The following TRIP12 variants were observed in gnomAD, a reference collection of about 807,000 sequenced individuals.
The protein encoded by TRIP12 is thyroid hormone receptor interactor 12.
A neutral mutation model predicts 244.2 loss-of-function variants in TRIP12; 25 were observed. The ratio of observed to expected loss-of-function variants is 0.10; its 90% CI spans 0.07 to 0.14. The LOEUF (loss-of-function observed/expected upper bound fraction) is 0.14. Among genes scored for constraint, TRIP12 ranks in the 10% least tolerant of loss-of-function variants. TRIP12 has a pLI of 1.00. For missense variants in TRIP12, 1,677 were observed against 2,486.4 expected (o/e 0.67, Z 6.92); for synonymous variants, 905 against 873.1 (o/e 1.04, Z -0.64).
At chr2:229,797,652 G>C in intron 24 of TRIP12, 38 bp downstream of exon 24, 1 of 1,604,612 alleles carries the variant, frequency 6.2e-7, no homozygotes, top group South Asian at 1.1e-5. Flanking sequence ...GCTGGGAAGA[G>C]ACTGAAAAAG....
chr2:229,871,397 T>G (rs147033112), intron 2 of TRIP12, among the ~76,000 whole-genome samples: 5 of 152,302 alleles, frequency 3.3e-5, no homozygotes, highest in African/African-American at 7.2e-5. Context: ...TGGGAGGTGT[T>G]TGAATCACTG....
intron 5 of TRIP12, among the ~76,000 whole-genome samples, chr2:229,837,782 A>G (rs2055225758): frequency 6.6e-6 from 1 of 152,230 alleles, no homozygotes; most frequent in East Asian, 1.9e-4. Context: ...TAAATTATGG[A>G]TTTAATATTA....
chr2:229,899,389 A>G (rs886877215), intron 1 of TRIP12, among the ~76,000 whole-genome samples: 2 of 152,258 alleles, frequency 1.3e-5, no homozygotes, highest in Non-Finnish European at 2.9e-5. Context: ...CAGGAAAACC[A>G]GCAAGAATGA....
At chr2:229,890,384 G>A (rs959870795) in intron 1 of TRIP12, among the ~76,000 whole-genome samples, 4 of 152,046 alleles carry the variant, frequency 2.6e-5, no homozygotes, top group Non-Finnish European at 5.9e-5. Context: ...ACAGGTGTGA[G>A]CCACCACACC....
intron 1 of TRIP12, among the ~76,000 whole-genome samples, chr2:229,896,367 G>A (rs1326794410): frequency 6.6e-6 from 1 of 152,156 alleles, no homozygotes; most frequent in Non-Finnish European, 1.5e-5. Context: ...GCCAGGCGTG[G>A]TGGCTCACAC....
intron 9 of TRIP12, among the ~76,000 whole-genome samples, chr2:229,815,614 A>G (rs1251052661): frequency 6.6e-6 from 1 of 152,010 alleles, no homozygotes; most frequent in Non-Finnish European, 1.5e-5. Flanking sequence ...AACCCCTTTC[A>G]GAAGCCTATT....
chr2:229,859,285 T>C lies in TRIP12; in HGVS notation c.514A>G (p.Thr172Ala), dbSNP rs1382430117. The C allele has an allele frequency of 6.2e-7, 1 of 1,614,226 alleles. No homozygotes were observed. Among genetic ancestry groups the C allele is most frequent in the Admixed American group, 1.7e-5 (1 of 60,022 alleles). ...QQLKSAQSPS[T>A]SKAHTRKSGA... Reference sequence around the variant, plus strand: ...CTCTTCCTGGTATGAGCCTTGCTTGTTGATGGTGATTGTGCAGATTTCAGT... The same window carrying C: ...CTCTTCCTGGTATGAGCCTTGCTTGCTGATGGTGATTGTGCAGATTTCAGT... Residue 172 changes from threonine (T) to alanine (A), a missense_variant, in exon 4 of 42, where the codon ACA (threonine) becomes GCA (alanine). Thr to Ala is a moderately conservative substitution (Grantham distance 58). Around this residue, in one of 11 missense-constraint regions of TRIP12, gnomAD observed 387 missense variants for 392.6 expected, o/e 0.99. Coordinates refer to ENST00000675903, the MANE Select transcript of TRIP12 (RefSeq NM_001348323.3).
At chr2:229,810,159 A>AG (rs1319673775) in intron 15 of TRIP12, among the ~76,000 whole-genome samples, 2 of 152,252 alleles carry the variant, frequency 1.3e-5, no homozygotes, top group East Asian at 3.8e-4. Context: ...CAGGACTTCA[A>AG]GAACAGCCTA....
Position 229,785,864 on chromosome 2 carries a change from A to T in TRIP12, c.4996-9T>A, listed in dbSNP as rs1363030325. On this transcript the variant is annotated splice_polypyrimidine_tract_variant and intron_variant, in intron 33 of 41. Coordinates refer to ENST00000675903, the MANE Select transcript of TRIP12 (RefSeq NM_001348323.3). ...TCTCGGTTCACAGTACGCTACAAAG[A>T]AAGTACAACTGTCAGGAAACTATGC... The T allele has an allele frequency of 1.9e-6, 3 of 1,607,500 alleles. No homozygotes were observed. The highest frequency in any genetic ancestry group is 2.5e-6 in the Non-Finnish European group (3 of 1,177,290).
chr2:229,790,990 CTGTT>C lies in TRIP12; in HGVS notation c.4543+130_4543+133del, dbSNP rs1251628834. The C allele has an allele frequency of 3.8e-5, 43 of 1,127,830 alleles. No homozygotes were observed. In the African/African-American group the frequency reaches 5.9e-4, roughly 16 times the overall value. The allele number at this position is 1,127,830 out of a possible 1,614,324, so 69.9% of individuals were successfully genotyped here. On this transcript the variant is annotated intron_variant, in intron 30 of 41. Transcript: ENST00000675903. ...AAGTTGAGGATTAAATGTGATCAAACTGTTTGTAATGTCATTTATTTCTCAACTA... is the reference window on the plus strand; with the variant it reads ...AAGTTGAGGATTAAATGTGATCAAACTGTAATGTCATTTATTTCTCAACTA...
rs768711460 is a variant in TRIP12 at position 229,861,709 on chromosome 2, ACTT to A, written c.99-1181_99-1179del. On this transcript the variant is annotated intron_variant, in intron 2 of 41. Transcript: ENST00000675903. ...ACCTAAGGTTTCTCTTTTCTGTATC[ACTT>A]CTTCTTCCATCTTTCCAGAATTCAT... Among the ~76,000 whole-genome samples, 5 of 152,154 alleles carry A rather than the reference ACTT, an allele frequency of 3.3e-5. No individual in the cohort carries two copies. In the East Asian group the frequency reaches 5.8e-4, roughly 18 times the overall value.
chr2:229,872,772 C>T (rs546536261), intron 2 of TRIP12, among the ~76,000 whole-genome samples: 7 of 152,266 alleles, frequency 4.6e-5, no homozygotes, highest in African/African-American at 1.7e-4. Flanking sequence ...TTAAGTATCC[C>T]TATAAACTTA....
intron 2 of TRIP12, among the ~76,000 whole-genome samples, chr2:229,872,024 T>C (rs1487463909): frequency 3.4e-5 from 5 of 146,022 alleles, no homozygotes; most frequent in African/African-American, 5.1e-5. Context: ...TGATTACATA[T>C]ATGCATAATT....
In TRIP12 at chr2:229,831,875, T is replaced by TTG. The variant is rs760021078; in HGVS notation, c.1271-1037_1271-1036insCA. On this transcript the variant is annotated intron_variant, in intron 6 of 41. Transcript: ENST00000675903. Reference sequence around the variant, plus strand: ...CTGCTGAGGTCAAAGGTTTTTTTTGTTTGTTTTTTGGGTTTTTTTTTTTTT... The same window carrying TTG: ...CTGCTGAGGTCAAAGGTTTTTTTTGTTGTTGTTTTTTGGGTTTTTTTTTTTTT... Among the ~76,000 whole-genome samples the TTG allele has an allele frequency of 3.1e-3, 364 of 117,196 alleles. 1 individual carries two copies. Among genetic ancestry groups the TTG allele is most frequent in the African/African-American group, 0.015 (350 of 22,710 alleles). 76.9% of individuals were successfully genotyped at this position (117,196 alleles called of 152,430 possible).
At chr2:229,788,568 C>G (rs1453483073) in intron 32 of TRIP12, among the ~76,000 whole-genome samples, 1 of 152,222 alleles carries the variant, frequency 6.6e-6, no homozygotes, top group African/African-American at 2.4e-5. Context: ...AGCCAAACTG[C>G]TATGTGTACT....
intron 4 of TRIP12, among the ~76,000 whole-genome samples, chr2:229,851,354 T>G (rs2058668675): frequency 6.6e-6 from 1 of 151,960 alleles, no homozygotes; most frequent in Admixed American, 6.6e-5. Flanking sequence ...TTGGAGAACC[T>G]TTGTGTCAAC....
At position 229,828,342 on chromosome 2, in the gene TRIP12, G is replaced by GT. The variant is rs142458584; in HGVS notation, c.1450+850dup. Among the ~76,000 whole-genome samples the GT allele has an allele frequency of 7.7e-3, 1,047 of 136,792 alleles. 7 individuals are homozygous for GT. Among genetic ancestry groups the GT allele is most frequent in the African/African-American group, 0.021 (786 of 37,010 alleles). The allele number at this position is 136,792 out of a possible 152,430, so 89.7% of individuals were successfully genotyped here. ...TAGGGACCCCCTGCAACAGTGATTT[G>GT]TTTTTTTTTTTTTTCCTTTCCAGGC... On this transcript the variant is annotated intron_variant, in intron 8 of 41. Coordinates refer to ENST00000675903, the MANE Select transcript of TRIP12 (RefSeq NM_001348323.3).
At chr2:229,870,980 G>A (rs184943069) in intron 2 of TRIP12, among the ~76,000 whole-genome samples, 1 of 151,990 alleles carries the variant, frequency 6.6e-6, no homozygotes, top group Non-Finnish European at 1.5e-5. Context: ...CCAATGTGGT[G>A]GAACCCTGTG....
At chr2:229,818,177 T>C (rs865808742) in intron 9 of TRIP12, among the ~76,000 whole-genome samples, 187 bp downstream of exon 9, 2 of 152,104 alleles carry the variant, frequency 1.3e-5, no homozygotes, top group African/African-American at 4.8e-5. Context: ...TTTAGAAAAT[T>C]TGCTAACTCA....
Sources: gnomAD v4.1 joint callset for allele counts (sites outside exome capture counted in the v4.1 genomes callset) on GRCh38, gnomAD v4.1.1 for gene constraint, gnomAD v4.1.1 regional missense constraint, MANE v1.5 for transcripts, NCBI Gene and HGNC (gene_info 2026-07-23, HGNC 2026-07-21) for gene names.